Variants in BPIFC observed in about 807,000 individuals in gnomAD.
The protein encoded by BPIFC is BPI fold-containing family C protein.
A neutral mutation model predicts 57.6 loss-of-function variants in BPIFC; 60 were observed. That is an observed-to-expected ratio of 1.04 (90% CI 0.85 to 1.29). BPIFC has a LOEUF of 1.29. Among genes scored for constraint, BPIFC ranks in the 50% most tolerant of loss-of-function variants. The pLI, the probability that BPIFC is intolerant of heterozygous loss-of-function variation, is 0.00. For missense variants in BPIFC, 581 were observed against 600.5 expected (o/e 0.97, Z 0.34); for synonymous variants, 243 against 224.5 (o/e 1.08, Z -0.74).
chr22:32,432,308 C>G, intron 12 of BPIFC, 65 bp downstream of exon 12: 1 of 1,555,088 alleles, frequency 6.4e-7, no homozygotes, highest in South Asian at 1.2e-5. Context: ...AAGCTGCTGG[C>G]CAACAGTCCA....
At chr22:32,463,741 G>A (rs929107968) in intron 1 of BPIFC, among the ~76,000 whole-genome samples, 1 of 152,180 alleles carries the variant, frequency 6.6e-6, no homozygotes, top group South Asian at 2.1e-4. Flanking sequence ...AAATCGACAG[G>A]TATGGAACGT....
At chr22:32,431,886 T>TGC (rs1934253383) in intron 12 of BPIFC, among the ~76,000 whole-genome samples, 1 of 152,106 alleles carries the variant, frequency 6.6e-6, no homozygotes, top group Non-Finnish European at 1.5e-5. Flanking sequence ...TTTTACAATG[T>TGC]ATGAGAGTGT....
In BPIFC at chr22:32,417,111, T is replaced by G. The variant is rs1437429959; in HGVS notation, c.1298A>C (p.His433Pro). The G allele has an allele frequency of 1.9e-6, 3 of 1,606,286 alleles. No individual in the cohort carries two copies. In the African/African-American group the frequency reaches 4.0e-5, roughly 22 times the overall value. Residue 433 changes from histidine to proline, a missense_variant, in exon 15 of 17, where the codon CAC (histidine) becomes CCC (proline). Coordinates refer to ENST00000300399, the MANE Select transcript of BPIFC (RefSeq NM_174932.3). ...RFENILSSIL[H>P]FGVLPLANAK... ...ATTGGCCAGTGGGAGGACTCCAAAG[T>G]GAAGAATGGACGATAGAATATTTTC...
intron 5 of BPIFC, among the ~76,000 whole-genome samples, chr22:32,446,382 T>C (rs201678154): frequency 6.6e-6 from 1 of 152,212 alleles, no homozygotes; most frequent in East Asian, 1.9e-4. Context: ...TTAGATGTAG[T>C]CTGTGAACTC....
intron 13 of BPIFC, among the ~76,000 whole-genome samples, chr22:32,428,340 C>A (rs1308184302): frequency 1.3e-5 from 2 of 151,720 alleles, no homozygotes; most frequent in African/African-American, 4.8e-5. Context: ...GAGATCATAG[C>A]TCACTGCAGC....
chr22:32,434,653 T>C (rs978583893), intron 10 of BPIFC, among the ~76,000 whole-genome samples: 20 of 152,254 alleles, frequency 1.3e-4, no homozygotes, highest in African/African-American at 4.3e-4. Context: ...ACTGAGATAC[T>C]GGATGCTTAA....
At chr22:32,463,677 A>G (rs13057150) in intron 1 of BPIFC, among the ~76,000 whole-genome samples, 8 of 152,262 alleles carry the variant, frequency 5.3e-5, no homozygotes, top group South Asian at 2.1e-4. Context: ...AGTCTAAACT[A>G]GAAGGGTATT....
chr22:32,436,779 T>C (rs1038583656), intron 9 of BPIFC, among the ~76,000 whole-genome samples: 3 of 152,182 alleles, frequency 2.0e-5, no homozygotes, highest in Admixed American at 1.3e-4. Flanking sequence ...TGGGGAATCA[T>C]AGAAAGAAGA....
chr22:32,430,439 TA>T (rs1934206771), intron 13 of BPIFC, among the ~76,000 whole-genome samples: 1 of 151,110 alleles, frequency 6.6e-6, no homozygotes, highest in African/African-American at 2.4e-5. Flanking sequence ...TGTACACTTC[TA>T]TTACAGAATT....
chr22:32,425,085 C>T (rs2076047), intron 13 of BPIFC, among the ~76,000 whole-genome samples: 90,991 of 151,892 alleles, frequency 0.6, 28,581 homozygotes, highest in African/African-American at 0.82. Flanking sequence ...CCTGGCCTTG[C>T]CTTATTTTCT....
intron 14 of BPIFC, among the ~76,000 whole-genome samples, chr22:32,417,369 AG>A (rs908235040): frequency 3.3e-5 from 5 of 151,860 alleles, no homozygotes; most frequent in African/African-American, 1.2e-4. Flanking sequence ...TTAGGGACAG[AG>A]TCTCACTATG....
intron 3 of BPIFC, among the ~76,000 whole-genome samples, chr22:32,454,907 C>T (rs1475543619): frequency 1.3e-5 from 2 of 152,080 alleles, no homozygotes; most frequent in Admixed American, 6.6e-5. Flanking sequence ...GGTCTGTTCA[C>T]ACATGTGAAA....
chr22:32,437,579 C>T (rs1001686516), intron 9 of BPIFC, among the ~76,000 whole-genome samples, 181 bp downstream of exon 9: 3 of 151,988 alleles, frequency 2.0e-5, no homozygotes, highest in East Asian at 1.9e-4. Context: ...TTAGTAGAGA[C>T]GGGGTTTCAC....
intron 4 of BPIFC, among the ~76,000 whole-genome samples, chr22:32,450,361 G>A (rs891071131): frequency 4.6e-5 from 7 of 152,070 alleles, no homozygotes; most frequent in African/African-American, 7.2e-5. Context: ...ATCTAGGTTC[G>A]TGTAAATACA....
At chr22:32,429,277 G>T (rs2145925151) in intron 13 of BPIFC, among the ~76,000 whole-genome samples, 2 of 151,408 alleles carry the variant, frequency 1.3e-5, no homozygotes, top group South Asian at 4.2e-4. Context: ...CGCCATCTCG[G>T]CTCACTGCAA....
chr22:32,434,093 T>C (rs1182833942), intron 10 of BPIFC, among the ~76,000 whole-genome samples: 2 of 149,662 alleles, frequency 1.3e-5, no homozygotes, highest in Admixed American at 6.7e-5. Context: ...TATATATATA[T>C]ATATCTATAT....
In BPIFC at chr22:32,431,415, C is replaced by T. The variant is rs771242220; in HGVS notation, c.1150-1G>A. ...CCAGGCCAACACTGGTACTAGCAAC[C>T]TATAGACAATAAAAGCATTTATTAT... On this transcript the variant is annotated splice_acceptor_variant, in intron 12 of 16. Transcript: ENST00000300399. LOFTEE classifies it high-confidence loss of function. 5 of 1,601,042 alleles carry T rather than the reference C, an allele frequency of 3.1e-6. No individual in the cohort carries two copies. The highest frequency in any genetic ancestry group is 4.3e-6 in the Non-Finnish European group (5 of 1,168,996).
In BPIFC at chr22:32,445,524, G is replaced by A. The variant is rs571561933; in HGVS notation, c.594+111C>T. The A allele has an allele frequency of 1.3e-5, 15 of 1,162,618 alleles. No homozygotes were observed. The Admixed American group carries it at 1.8e-4, about 14-fold the overall frequency. 72.0% of individuals were successfully genotyped at this position (1,162,618 alleles called of 1,614,324 possible). A position where few individuals can be genotyped will look rare whatever the true frequency, so the allele number is the denominator to read the frequency against. ...TGCACTCCAGCCTGGGCGACAGAGC[G>A]AGACTCTGTCTCAAAAAAACAAACA... On this transcript the variant is annotated intron_variant, in intron 7 of 16. Transcript: ENST00000300399.
intron 13 of BPIFC, among the ~76,000 whole-genome samples, chr22:32,424,091 A>T (rs527491608): frequency 2.8e-4 from 43 of 152,160 alleles, no homozygotes; most frequent in African/African-American, 1.0e-3. Context: ...CAATGACTAT[A>T]TGCTGACTGT....
Sources: gnomAD v4.1 joint callset for allele counts (sites outside exome capture counted in the v4.1 genomes callset) on GRCh38, gnomAD v4.1.1 for gene constraint, MANE v1.5 for transcripts, NCBI Gene and HGNC (gene_info 2026-07-23, HGNC 2026-07-21) for gene names.